ZNF385D: variants seen among roughly 807,000 people sequenced by gnomAD.
ZNF385D encodes the protein zinc finger protein 659.
In ZNF385D, 15 loss-of-function variants were observed where a neutral mutation model predicts 35.8. That is an observed-to-expected ratio of 0.42 (90% CI 0.28 to 0.64). The LOEUF is 0.64. ZNF385D is among the 30% of genes least tolerant of loss of function. The pLI, the probability that ZNF385D is intolerant of heterozygous loss-of-function variation, is 0.23. For synonymous variants in ZNF385D, 212 were observed against 186.8 expected, an observed-to-expected ratio of 1.13 and a Z score of -1.10; for missense variants, 474 against 494.6, an observed-to-expected ratio of 0.96 and a Z score of 0.39.
chr3:21,754,779 G>T (rs1294469406), upstream of ZNF385D, among the ~76,000 whole-genome samples: 1 of 152,074 alleles, frequency 6.6e-6, no homozygotes, highest in Non-Finnish European at 1.5e-5. Context: ...AGTGAGGGCA[G>T]GGATTTTATC....
rs1480194507 is a variant in ZNF385D at position 21,418,441 on chromosome 3, T to A, written c.*2773A>T. On this transcript the variant is annotated 3_prime_UTR_variant, in exon 8 of 8. Transcript: ENST00000281523. ...CTGTAAGTTCTGTGGTTAGGCTTCA[T>A]CCTTTATTAGGTAGTGAATAAAAGA... 2 of 152,192 alleles carry A rather than the reference T, an allele frequency of 1.3e-5. No homozygotes were observed. The highest frequency in any genetic ancestry group is 6.5e-5 in the Admixed American group (1 of 15,280). The allele number at this position is 152,192 out of a possible 1,614,324, so 9.4% of individuals were successfully genotyped here.
At chr3:22,285,000 T>G (rs1701952441) in intron 2 of ZNF385D, among the ~76,000 whole-genome samples, 1 of 152,124 alleles carries the variant, frequency 6.6e-6, no homozygotes, top group Admixed American at 6.6e-5. Flanking sequence ...AAAAAGTTAC[T>G]GAATGAATGT....
intron 2 of ZNF385D, among the ~76,000 whole-genome samples, chr3:22,337,910 G>A (rs530361699): frequency 2.0e-5 from 3 of 152,272 alleles, no homozygotes; most frequent in South Asian, 4.2e-4. Flanking sequence ...GAGAGTGGTG[G>A]ACCCTTTGAC....
intron 3 of ZNF385D, among the ~76,000 whole-genome samples, chr3:21,918,692 CTTT>C (rs565204235): frequency 1.2e-3 from 187 of 152,228 alleles, no homozygotes; most frequent in African/African-American, 4.2e-3. Flanking sequence ...CATTATTCTT[CTTT>C]GTCTTTATTC....
chr3:21,762,847 C>A (rs961721075), intron 3 of ZNF385D, among the ~76,000 whole-genome samples: 4 of 152,028 alleles, frequency 2.6e-5, no homozygotes, highest in Non-Finnish European at 5.9e-5. Flanking sequence ...CTTGGGGCAC[C>A]TTTTTACAAG....
Position 22,234,061 on chromosome 3 carries a change from A to G in ZNF385D, c.107-65026T>C, listed in dbSNP as rs188219414. Among the ~76,000 whole-genome samples, 15 of 152,256 alleles carry G rather than the reference A, an allele frequency of 9.9e-5. No individual in the cohort carries two copies. In the East Asian group the frequency reaches 2.9e-3, roughly 29 times the overall value. ...AAAATCTAAGTTCTCTGGCAATTTT[A>G]CAGTCATTCTAATTAAAAATTTCAA... On this transcript the variant is annotated intron_variant, in intron 2 of 5. Coordinates refer to the ZNF385D transcript ENST00000494108.
intron 3 of ZNF385D, among the ~76,000 whole-genome samples, chr3:21,889,950 T>G (rs1698763456): frequency 6.6e-6 from 1 of 152,192 alleles, no homozygotes. Context: ...TGTGTGCCTG[T>G]GTGTGCGTGT....
intron 2 of ZNF385D, among the ~76,000 whole-genome samples, chr3:21,590,364 A>C (rs987806138): frequency 1.9e-4 from 29 of 152,212 alleles, no homozygotes. Flanking sequence ...AATTATTTTA[A>C]AAGTGAAAGA....
chr3:21,415,963 C>A lies in ZNF385D; in HGVS notation c.*5251G>T, dbSNP rs1000794488. The stretch of plus-strand genomic sequence containing the variant: ...CCCTTGACATCTGAACATTGATGAC[C>A]CAACCAGAGAATTCTTTAAACTCTG... On this transcript the variant is annotated 3_prime_UTR_variant, in exon 8 of 8. Transcript: ENST00000281523. 3.3e-5 allele frequency: 5 copies of A among 151,930 alleles called. No homozygotes were observed. Among genetic ancestry groups the A allele is most frequent in the African/African-American group, 1.2e-4 (5 of 41,382 alleles). The allele number at this position is 151,930 out of a possible 1,614,324, so 9.4% of individuals were successfully genotyped here. A position where few individuals can be genotyped will look rare whatever the true frequency, so the allele number is the denominator to read the frequency against.
chr3:21,869,056 T>C lies in ZNF385D; in HGVS notation c.326-204028A>G, dbSNP rs137869468. ...TTCTGTTTCACTGGGAGTTTATTTT[T>C]TAAACTTACAGCGTCGGTTTTCCCT... On this transcript the variant is annotated intron_variant, in intron 3 of 5. Coordinates refer to the ZNF385D transcript ENST00000494108. Among the ~76,000 whole-genome samples, 880 of 152,230 alleles carry C rather than the reference T, an allele frequency of 5.8e-3. 9 individuals carry two copies. The highest frequency in any genetic ancestry group is 0.02 in the African/African-American group (842 of 41,558).
intron 3 of ZNF385D, among the ~76,000 whole-genome samples, chr3:22,113,361 C>T (rs977740780): frequency 7.2e-5 from 11 of 152,038 alleles, no homozygotes; most frequent in Admixed American, 1.3e-4. Context: ...ATATCACTTT[C>T]AACTATACTA....
intron 2 of ZNF385D, among the ~76,000 whole-genome samples, chr3:22,186,328 TC>T (rs1695628300): frequency 6.6e-6 from 1 of 151,990 alleles, no homozygotes; most frequent in African/African-American, 2.4e-5. Flanking sequence ...AATAAACACA[TC>T]CAGAGACATG....
chr3:22,015,668 T>A (rs1696843185), intron 3 of ZNF385D, among the ~76,000 whole-genome samples: 1 of 152,118 alleles, frequency 6.6e-6, no homozygotes, highest in Non-Finnish European at 1.5e-5. Context: ...CAACAATGGC[T>A]TTATTACGGA....
At chr3:22,031,267 G>C (rs1224265539) in intron 3 of ZNF385D, among the ~76,000 whole-genome samples, 2 of 152,172 alleles carry the variant, frequency 1.3e-5, no homozygotes, top group East Asian at 1.9e-4. Flanking sequence ...GATTCTGTGG[G>C]GGCTCCAAGC....
At chr3:22,039,255 C>CAAAAAAA (rs376799573) in intron 3 of ZNF385D, among the ~76,000 whole-genome samples, 2 of 104,104 alleles carry the variant, frequency 1.9e-5, no homozygotes, top group Non-Finnish European at 3.8e-5. Context: ...TAATCCAAGC[C>CAAAAAAA]AAAAAAAAAA....
chr3:21,901,459 C>T (rs184878890), intron 3 of ZNF385D, among the ~76,000 whole-genome samples: 1 of 152,196 alleles, frequency 6.6e-6, no homozygotes, highest in East Asian at 1.9e-4. Flanking sequence ...ACACATTAGG[C>T]AATAATGTAA....
At chr3:21,636,413 T>TATATATATAGAG (rs771464149) in intron 2 of ZNF385D, among the ~76,000 whole-genome samples, 1 of 25,638 alleles carries the variant, frequency 3.9e-5, no homozygotes, top group African/African-American at 1.3e-4. Flanking sequence ...TATATATATA[T>TATATATATAGAG]AGAGTTTCTT....
intron 3 of ZNF385D, among the ~76,000 whole-genome samples, chr3:22,080,637 T>A (rs550486497): frequency 6.6e-6 from 1 of 152,180 alleles, no homozygotes; most frequent in East Asian, 1.9e-4. Context: ...ATCCATTTTA[T>A]ATATGAAATA....
At chr3:22,033,449 G>A (rs1290835380) in intron 3 of ZNF385D, among the ~76,000 whole-genome samples, 1 of 131,998 alleles carries the variant, frequency 7.6e-6, no homozygotes, top group Non-Finnish European at 1.6e-5. Flanking sequence ...AATGCACAGT[G>A]ATATGAGTTA....
Sources: gnomAD v4.1 joint callset for allele counts (sites outside exome capture counted in the v4.1 genomes callset) on GRCh38, gnomAD v4.1.1 for gene constraint, MANE v1.5 for transcripts, NCBI Gene and HGNC (gene_info 2026-07-23, HGNC 2026-07-21) for gene names.